The following CLSTN2 variants were observed in gnomAD, a reference collection of about 807,000 sequenced individuals.
The protein encoded by CLSTN2 is calsyntenin 2, also known as calsyntenin-2.
CLSTN2 carries 48 observed loss-of-function variants against 101.2 expected under a neutral mutation model. The observed-to-expected ratio is 0.47, with a 90% CI of 0.38 to 0.60. The LOEUF is 0.60. CLSTN2 is among the 20% of genes least tolerant of loss of function. CLSTN2 has a pLI of 0.00. For synonymous variants in CLSTN2, 481 were observed against 463.6 expected, an observed-to-expected ratio of 1.04 and a Z score of -0.48; for missense variants, 1,160 against 1,238.2, an observed-to-expected ratio of 0.94 and a Z score of 0.95.
At chr3:140,488,516 A>G (rs1055120268) in intron 8 of CLSTN2, among the ~76,000 whole-genome samples, 4 of 152,078 alleles carry the variant, frequency 2.6e-5, no homozygotes, top group Admixed American at 1.3e-4. Context: ...TGACCCATGG[A>G]AATGTTTTGT....
chr3:140,293,755 T>C (rs537979275), intron 2 of CLSTN2, among the ~76,000 whole-genome samples: 1 of 152,268 alleles, frequency 6.6e-6, no homozygotes, highest in African/African-American at 2.4e-5. Flanking sequence ...AATTTGATTC[T>C]GGGCTTGTTG....
At chr3:140,338,655 G>A (rs976328176) in intron 2 of CLSTN2, among the ~76,000 whole-genome samples, 5 of 152,142 alleles carry the variant, frequency 3.3e-5, no homozygotes, top group East Asian at 1.9e-4. Context: ...GCTCTTATTC[G>A]TGGGGACCCT....
At chr3:140,002,074 C>T (rs1309395141) in intron 1 of CLSTN2, among the ~76,000 whole-genome samples, 1 of 152,118 alleles carries the variant, frequency 6.6e-6, no homozygotes, top group Admixed American at 6.6e-5. Flanking sequence ...AACAGTGCTG[C>T]AATAAACTTG....
intron 2 of CLSTN2, among the ~76,000 whole-genome samples, chr3:140,390,571 C>A (rs1461854087): frequency 6.6e-6 from 1 of 152,178 alleles, no homozygotes; most frequent in Non-Finnish European, 1.5e-5. Flanking sequence ...GTGAATTCTG[C>A]AGTTGGATGT....
intron 5 of CLSTN2, among the ~76,000 whole-genome samples, chr3:140,429,331 A>C (rs1215160548): frequency 6.6e-6 from 1 of 152,180 alleles, no homozygotes; most frequent in Non-Finnish European, 1.5e-5. Flanking sequence ...TAAAAGCTGC[A>C]CTGGAGGGAC....
chr3:140,296,844 G>A (rs2107907057), intron 2 of CLSTN2, among the ~76,000 whole-genome samples: 1 of 152,328 alleles, frequency 6.6e-6, no homozygotes, highest in South Asian at 2.1e-4. Context: ...AGGAAAGGAA[G>A]AACAGGTTAA....
chr3:140,414,887 A>G (rs1452266008), intron 4 of CLSTN2, among the ~76,000 whole-genome samples: 2 of 152,102 alleles, frequency 1.3e-5, no homozygotes, highest in African/African-American at 2.4e-5. Context: ...TTGAGCAAGA[A>G]GAACAAACCT....
intron 8 of CLSTN2, among the ~76,000 whole-genome samples, chr3:140,469,860 T>C (rs967003931): frequency 6.6e-6 from 1 of 152,184 alleles, no homozygotes; most frequent in African/African-American, 2.4e-5. Flanking sequence ...CAGAGATCTT[T>C]GAAAACCTCC....
At chr3:140,102,491 G>A (rs750542862) in intron 1 of CLSTN2, among the ~76,000 whole-genome samples, 1 of 152,164 alleles carries the variant, frequency 6.6e-6, no homozygotes, top group African/African-American at 2.4e-5. Context: ...GAGACATATT[G>A]CAAAGAATCT....
chr3:140,015,072 C>G lies in CLSTN2; in HGVS notation c.109+79589C>G, dbSNP rs1015931192. On this transcript the variant is annotated intron_variant, in intron 1 of 16. Coordinates refer to ENST00000458420, the MANE Select transcript of CLSTN2 (RefSeq NM_022131.3). ...TGAGCCTCTTATTCACATCCATCCC[C>G]CTTGCTCCGTGAGTCCCATAGGGGT... Among the ~76,000 whole-genome samples the G allele has an allele frequency of 7.2e-5, 11 of 152,290 alleles. No individual in the cohort carries two copies. The South Asian group carries it at 2.3e-3, about 32-fold the overall frequency.
At chr3:140,074,122 C>T (rs565421493) in intron 1 of CLSTN2, among the ~76,000 whole-genome samples, 10 of 152,282 alleles carry the variant, frequency 6.6e-5, no homozygotes, top group South Asian at 2.1e-4. Flanking sequence ...AAAGCTATAG[C>T]TTGCTGTTTT....
At chr3:140,098,571 A>G (rs184244643) in intron 1 of CLSTN2, among the ~76,000 whole-genome samples, 2 of 152,326 alleles carry the variant, frequency 1.3e-5, no homozygotes, top group East Asian at 3.9e-4. Flanking sequence ...ATGTATAGAC[A>G]TTGCATATTT....
At chr3:140,361,047 G>C (rs1041356243) in intron 2 of CLSTN2, among the ~76,000 whole-genome samples, 3 of 152,064 alleles carry the variant, frequency 2.0e-5, no homozygotes, top group African/African-American at 7.2e-5. Flanking sequence ...TCAAACAAAG[G>C]CATCACAAGA....
chr3:140,298,429 T>G (rs2107908025), intron 2 of CLSTN2, among the ~76,000 whole-genome samples: 1 of 152,336 alleles, frequency 6.6e-6, no homozygotes, highest in East Asian at 1.9e-4. Context: ...ATAATTTATG[T>G]TGGCCTATAA....
At chr3:140,249,519 A>G (rs1446801210) in intron 2 of CLSTN2, among the ~76,000 whole-genome samples, 1 of 152,206 alleles carries the variant, frequency 6.6e-6, no homozygotes, top group African/African-American at 2.4e-5. Flanking sequence ...AGCTAGGGGC[A>G]TAGCAGCGAA....
At chr3:140,119,142 G>T (rs752559712) in intron 1 of CLSTN2, among the ~76,000 whole-genome samples, 1 of 152,126 alleles carries the variant, frequency 6.6e-6, no homozygotes, top group Non-Finnish European at 1.5e-5. Context: ...ATTGTAACAG[G>T]TCATGATCAT....
intron 1 of CLSTN2, among the ~76,000 whole-genome samples, chr3:140,065,286 G>A (rs553701191): frequency 2.0e-5 from 3 of 152,322 alleles, no homozygotes; most frequent in South Asian, 2.1e-4. Context: ...AATCCACAGC[G>A]TCCTGTCTTT....
At chr3:140,044,410 C>A (rs1293257979) in intron 1 of CLSTN2, among the ~76,000 whole-genome samples, 4 of 152,166 alleles carry the variant, frequency 2.6e-5, no homozygotes, top group Non-Finnish European at 5.9e-5. Flanking sequence ...AGTTGCTTAT[C>A]AGCTTAAGGA....
chr3:140,270,596 G>A (rs2086733289), intron 2 of CLSTN2, among the ~76,000 whole-genome samples: 1 of 152,146 alleles, frequency 6.6e-6, no homozygotes, highest in African/African-American at 2.4e-5. Flanking sequence ...TCCTCTATAT[G>A]AGCCTGGTTG....
Sources: gnomAD v4.1 joint callset for allele counts (sites outside exome capture counted in the v4.1 genomes callset) on GRCh38, gnomAD v4.1.1 for gene constraint, MANE v1.5 for transcripts, NCBI Gene and HGNC (gene_info 2026-07-23, HGNC 2026-07-21) for gene names.